The following LHFPL4 variants were observed in gnomAD, a reference collection of about 807,000 sequenced individuals.
LHFPL4 encodes LHFPL tetraspan subfamily member 4 protein.
Under a neutral mutation model 20.0 loss-of-function variants are expected in LHFPL4, and 6 were observed. The observed-to-expected ratio is 0.30, with a 90% CI of 0.16 to 0.59. The LOEUF is 0.59. LHFPL4 is among the 20% of genes least tolerant of loss of function. The pLI is 0.88. For synonymous variants in LHFPL4, 129 were observed against 143.8 expected, an observed-to-expected ratio of 0.90 and a Z score of 0.74; for missense variants, 215 against 331.2, an observed-to-expected ratio of 0.65 and a Z score of 2.72.
At chr3:9,535,142 A>C (rs1269405437) in intron 2 of LHFPL4, among the ~76,000 whole-genome samples, 2 of 152,242 alleles carry the variant, frequency 1.3e-5, no homozygotes. Flanking sequence ...AGAAATACTC[A>C]TGATGTGTTA....
chr3:9,521,434 C>T (rs973107342), intron 2 of LHFPL4, among the ~76,000 whole-genome samples: 8 of 151,176 alleles, frequency 5.3e-5, no homozygotes, highest in Non-Finnish European at 1.2e-4. Flanking sequence ...CGGAGTCTCA[C>T]TCTGCTGCTG....
chr3:9,553,052 G>A (rs1279050917), intron 1 of LHFPL4, among the ~76,000 whole-genome samples: 3 of 151,288 alleles, frequency 2.0e-5, no homozygotes, highest in Non-Finnish European at 4.4e-5. Context: ...CTGGTATTAC[G>A]GGAGTAGGAG....
At chr3:9,542,122 C>T (rs527643624) in intron 2 of LHFPL4, among the ~76,000 whole-genome samples, 1 of 151,978 alleles carries the variant, frequency 6.6e-6, no homozygotes, top group South Asian at 2.1e-4. Context: ...CCCATCTCTA[C>T]TAAAACTACA....
intron 2 of LHFPL4, among the ~76,000 whole-genome samples, chr3:9,542,012 G>A (rs192584293): frequency 9.9e-4 from 150 of 152,052 alleles, no homozygotes; most frequent in African/African-American, 1.3e-3. Context: ...AAGGCCAGGC[G>A]TGGTGACTCA....
intron 3 of LHFPL4, 50 bp from the exon 4 acceptor site, chr3:9,502,361 A>T: frequency 7.3e-7 from 1 of 1,379,158 alleles, no homozygotes; most frequent in South Asian, 1.2e-5. Flanking sequence ...AGAAAGTCAG[A>T]GGCTGCCTGG....
Position 9,506,258 on chromosome 3 carries a change from C to G in LHFPL4, c.407-55G>C. On this transcript the variant is annotated intron_variant, in intron 2 of 3. Coordinates refer to ENST00000287585, the MANE Select transcript of LHFPL4 (RefSeq NM_198560.3). This position sits in a 1 kb window ranked among gnomAD's most constrained non-coding sequence, Gnocchi z 4.5. The stretch of plus-strand genomic sequence containing the variant: ...ACGGTCAGGAAGGAAGAGAAAAGAC[C>G]ATTACTCGCTAGTGTCCGCAGTCTG... 1 of 1,449,048 alleles carries G rather than the reference C, an allele frequency of 6.9e-7. No individual in the cohort carries two copies. Among genetic ancestry groups the G allele is most frequent in the Non-Finnish European group, 9.7e-7 (1 of 1,032,096 alleles). 89.8% of individuals were successfully genotyped at this position (1,449,048 alleles called of 1,614,324 possible).
At chr3:9,547,671 G>T (rs145347554) in intron 2 of LHFPL4, among the ~76,000 whole-genome samples, 1 of 152,340 alleles carries the variant, frequency 6.6e-6, no homozygotes, top group East Asian at 1.9e-4. Flanking sequence ...GGTAAAAAAC[G>T]TAGCAGAGAT....
intron 2 of LHFPL4, among the ~76,000 whole-genome samples, chr3:9,523,703 C>G (rs1009446464): frequency 3.9e-5 from 6 of 152,042 alleles, no homozygotes; most frequent in African/African-American, 1.4e-4. Flanking sequence ...GAACTCCTGA[C>G]CTCAGGTAAT....
chr3:9,506,346 G>A lies in LHFPL4; in HGVS notation c.407-143C>T, dbSNP rs982491011. On this transcript the variant is annotated intron_variant, in intron 2 of 3. Transcript: ENST00000287585. This position sits in a 1 kb window ranked among gnomAD's most constrained non-coding sequence, Gnocchi z 4.5. ...TGCTTGTTACCCACTTCCACAGAGG[G>A]AGAAAGAGAGGGCAGGGGCAGGGAA... 2.2e-5 allele frequency: 15 copies of A among 667,906 alleles called. No homozygotes were observed. Among genetic ancestry groups the A allele is most frequent in the Non-Finnish European group, 4.0e-5 (15 of 376,886 alleles). The allele number at this position is 667,906 out of a possible 1,614,324, so 41.4% of individuals were successfully genotyped here. A position where few individuals can be genotyped will look rare whatever the true frequency, so the allele number is the denominator to read the frequency against.
intron 2 of LHFPL4, among the ~76,000 whole-genome samples, chr3:9,533,058 A>G (rs1276026520): frequency 6.6e-6 from 1 of 152,176 alleles, no homozygotes; most frequent in Non-Finnish European, 1.5e-5. Flanking sequence ...GACCCTCCTC[A>G]GCAAGAGAAG....
chr3:9,503,414 A>G (rs542599665), intron 3 of LHFPL4, among the ~76,000 whole-genome samples: 11 of 152,202 alleles, frequency 7.2e-5, no homozygotes, highest in East Asian at 5.8e-4. Flanking sequence ...TTGACTTCAC[A>G]CCAAAACCAC....
At chr3:9,543,207 A>G (rs371411141) in intron 2 of LHFPL4, among the ~76,000 whole-genome samples, 4 of 152,020 alleles carry the variant, frequency 2.6e-5, no homozygotes, top group African/African-American at 9.7e-5. Context: ...AATGAACTTA[A>G]AAGTGGGTCC....
rs958048758 is a variant in LHFPL4 at position 9,524,904 on chromosome 3, A to T, written c.407-18701T>A. Among the ~76,000 whole-genome samples the T allele has an allele frequency of 5.3e-5, 8 of 152,064 alleles. No individual in the cohort carries two copies. The East Asian group carries it at 5.8e-4, about 11-fold the overall frequency. ...TGGTGGTAAGATGTGGGAAGAGGGG[A>T]AGCATTCTATAGTCCTACAAAGAGG... On this transcript the variant is annotated intron_variant, in intron 2 of 3. Coordinates refer to ENST00000287585, the MANE Select transcript of LHFPL4 (RefSeq NM_198560.3).
At chr3:9,529,005 C>T (rs1251424787) in intron 2 of LHFPL4, among the ~76,000 whole-genome samples, 3 of 150,630 alleles carry the variant, frequency 2.0e-5, no homozygotes, top group Non-Finnish European at 4.4e-5. Flanking sequence ...GCAACCTCCA[C>T]CTCCCGGGTT....
At position 9,512,379 on chromosome 3, in the gene LHFPL4, G is replaced by A. The variant is rs572103632; in HGVS notation, c.407-6176C>T. ...AGAAGTGGCGCGGCAGTTTCATAAGGGTGGCGTGTGAGCAGGTCATGGTGA... is the reference window on the plus strand; with the variant it reads ...AGAAGTGGCGCGGCAGTTTCATAAGAGTGGCGTGTGAGCAGGTCATGGTGA... On this transcript the variant is annotated intron_variant, in intron 2 of 3. Coordinates refer to ENST00000287585, the MANE Select transcript of LHFPL4 (RefSeq NM_198560.3). Among the ~76,000 whole-genome samples, 5 of 152,320 alleles carry A rather than the reference G, an allele frequency of 3.3e-5. No individual in the cohort carries two copies. In the East Asian group the frequency reaches 9.6e-4, roughly 29 times the overall value.
At chr3:9,515,857 G>A (rs2046296885) in intron 2 of LHFPL4, among the ~76,000 whole-genome samples, 1 of 151,756 alleles carries the variant, frequency 6.6e-6, no homozygotes, top group African/African-American at 2.4e-5. Flanking sequence ...TGGGACTACA[G>A]GCACATGCCA....
chr3:9,523,449 TC>T, intron 2 of LHFPL4, among the ~76,000 whole-genome samples: 1 of 68,248 alleles, frequency 1.5e-5, no homozygotes, highest in Admixed American at 1.9e-4. Context: ...TGAGACAGAG[TC>T]TTTATTTATT....
chr3:9,551,834 T>C (rs1559525546), intron 2 of LHFPL4, among the ~76,000 whole-genome samples: 1 of 152,120 alleles, frequency 6.6e-6, no homozygotes, highest in South Asian at 2.1e-4. Flanking sequence ...AGAAGTAAAG[T>C]GAAACACCCA....
At chr3:9,533,565 G>A (rs539322599) in intron 2 of LHFPL4, among the ~76,000 whole-genome samples, 5 of 152,296 alleles carry the variant, frequency 3.3e-5, no homozygotes, top group South Asian at 2.1e-4. Flanking sequence ...GGCGGATCAC[G>A]AGGTCAGGAG....
Sources: allele counts gnomAD v4.1 joint callset (sites outside exome capture counted in the v4.1 genomes callset), GRCh38; gene constraint gnomAD v4.1.1; non-coding constraint Gnocchi (gnomAD v3.1); transcripts MANE v1.5; gene names NCBI Gene and HGNC (gene_info 2026-07-23, HGNC 2026-07-21).